Variants in HIP1 observed in about 807,000 individuals in gnomAD.
HIP1 encodes huntingtin interacting protein 1.
Under a neutral mutation model 147.6 loss-of-function variants are expected in HIP1, and 65 were observed. That is an observed-to-expected ratio of 0.44 (90% CI 0.36 to 0.54). HIP1 has a LOEUF of 0.54. Among genes scored for constraint, HIP1 ranks in the 20% least tolerant of loss-of-function variants. The probability of loss-of-function intolerance (pLI) is 0.00; values close to 1 mark genes in which losing one functional copy is unlikely to be tolerated. For missense variants in HIP1, 1,061 were observed against 1,299.6 expected (o/e 0.82, Z 2.82); for synonymous variants, 479 against 504.0 (o/e 0.95, Z 0.67).
chr7:75,698,098 C>G (rs1457104258), intron 1 of HIP1, among the ~76,000 whole-genome samples: 6 of 152,270 alleles, frequency 3.9e-5, no homozygotes, highest in South Asian at 2.1e-4. Context: ...GGATTATAGG[C>G]ATGAGCCACC....
intron 1 of HIP1, among the ~76,000 whole-genome samples, chr7:75,678,152 G>C (rs782578673): frequency 4.6e-5 from 7 of 152,020 alleles, no homozygotes; most frequent in Non-Finnish European, 8.8e-5. Flanking sequence ...CCTGCAACCA[G>C]TACCTGGATC....
intron 14 of HIP1, among the ~76,000 whole-genome samples, 176 bp downstream of exon 14, chr7:75,559,556 C>T (rs187616192): frequency 3.3e-5 from 5 of 152,324 alleles, no homozygotes; most frequent in East Asian, 3.9e-4. Flanking sequence ...AGCTTTGTGC[C>T]TGCAGGACTC....
At chr7:75,698,607 C>T (rs1009552329) in intron 1 of HIP1, among the ~76,000 whole-genome samples, 1 of 152,178 alleles carries the variant, frequency 6.6e-6, no homozygotes, top group African/African-American at 2.4e-5. Flanking sequence ...CACTTGAGGC[C>T]AAGAGTTGGA....
intron 1 of HIP1, among the ~76,000 whole-genome samples, chr7:75,694,157 A>T (rs969131672): frequency 3.9e-5 from 6 of 151,982 alleles, no homozygotes; most frequent in Middle Eastern, 3.2e-3. Context: ...TAACCTCGTG[A>T]TCCACCCACC....
intron 7 of HIP1, among the ~76,000 whole-genome samples, chr7:75,575,210 C>T (rs782215660): frequency 1.4e-4 from 21 of 151,904 alleles, no homozygotes; most frequent in Non-Finnish European, 2.8e-4. Context: ...CCTGTAATCC[C>T]AGCACTTTGG....
intron 1 of HIP1, among the ~76,000 whole-genome samples, chr7:75,736,426 A>C (rs1802022729): frequency 6.6e-6 from 1 of 152,048 alleles, no homozygotes; most frequent in Non-Finnish European, 1.5e-5. Context: ...TTATTAAAAA[A>C]AAAAATAGGG....
intron 1 of HIP1, among the ~76,000 whole-genome samples, chr7:75,638,009 C>T (rs868953342): frequency 7.4e-5 from 7 of 94,476 alleles, no homozygotes; most frequent in African/African-American, 3.7e-4. Context: ...CACACATACA[C>T]ACACACACAC....
At chr7:75,708,756 A>G (rs1212657940) in intron 1 of HIP1, among the ~76,000 whole-genome samples, 1 of 152,052 alleles carries the variant, frequency 6.6e-6, no homozygotes, top group African/African-American at 2.4e-5. Context: ...TAATTACTAT[A>G]GTTTTATAAT....
At chr7:75,707,636 C>T (rs1186654197) in intron 1 of HIP1, among the ~76,000 whole-genome samples, 2 of 150,718 alleles carry the variant, frequency 1.3e-5, no homozygotes, top group Admixed American at 6.6e-5. Context: ...GAGCCCGCAT[C>T]GCCAAGTCAA....
intron 1 of HIP1, among the ~76,000 whole-genome samples, chr7:75,633,628 T>C (rs1798315747): frequency 6.6e-6 from 1 of 152,130 alleles, no homozygotes; most frequent in African/African-American, 2.4e-5. Flanking sequence ...TGAAACCCAC[T>C]AAATGGATTT....
intron 1 of HIP1, among the ~76,000 whole-genome samples, chr7:75,654,990 A>G (rs782785267): frequency 6.6e-6 from 1 of 152,200 alleles, no homozygotes; most frequent in Non-Finnish European, 1.5e-5. Flanking sequence ...CTCTACAACA[A>G]TGATGACAAA....
chr7:75,616,601 G>A (rs994871007), intron 1 of HIP1, among the ~76,000 whole-genome samples: 1 of 99,758 alleles, frequency 1.0e-5, no homozygotes, highest in Non-Finnish European at 2.8e-5. Flanking sequence ...GGAGGAGGAG[G>A]AGGAGGAGGA....
intron 8 of HIP1, among the ~76,000 whole-genome samples, chr7:75,570,082 C>T (rs987933136): frequency 1.1e-4 from 17 of 151,908 alleles, no homozygotes; most frequent in Admixed American, 2.0e-4. Flanking sequence ...TACAGGCGCG[C>T]GCCACCACAC....
chr7:75,707,677 T>A (rs1554519848), intron 1 of HIP1, among the ~76,000 whole-genome samples: 1 of 149,474 alleles, frequency 6.7e-6, no homozygotes. Flanking sequence ...GCTGGAGGCA[T>A]CACACTACCT....
At chr7:75,599,290 T>A in intron 1 of HIP1, 43 bp from the exon 2 acceptor site, 4 of 1,460,326 alleles carry the variant, frequency 2.7e-6, no homozygotes, top group Non-Finnish European at 3.8e-6. Context: ...ATGAGATGAA[T>A]AAGCCTCTGA....
chr7:75,637,563 T>TTTTTTTTGTGG (rs1584907476), intron 1 of HIP1, among the ~76,000 whole-genome samples: 1 of 116,004 alleles, frequency 8.6e-6, no homozygotes. Context: ...TTTTTTTTTT[T>TTTTTTTTGTGG]GAGAGGGAGT....
chr7:75,573,391 T>C (rs2116889338), intron 8 of HIP1, among the ~76,000 whole-genome samples: 1 of 152,300 alleles, frequency 6.6e-6, no homozygotes, highest in African/African-American at 2.4e-5. Context: ...GCTGTTCTAA[T>C]ACTCAATAAA....
chr7:75,662,031 G>A (rs1799335176), intron 1 of HIP1, among the ~76,000 whole-genome samples: 1 of 151,356 alleles, frequency 6.6e-6, no homozygotes, highest in Non-Finnish European at 1.5e-5. Context: ...TCTGAGGAGG[G>A]GTGGACTGGA....
rs1795286095 is a variant in HIP1 at position 75,563,080 on chromosome 7, AG to A, written c.880-6del. 1.2e-6 allele frequency: 2 copies of A among 1,614,138 alleles called. No individual in the cohort carries two copies. The highest frequency in any genetic ancestry group is 1.1e-5 in the South Asian group (1 of 91,090). On this transcript the variant is annotated splice_region_variant and splice_polypyrimidine_tract_variant and intron_variant, in intron 10 of 30. Coordinates refer to ENST00000336926, the MANE Select transcript of HIP1 (RefSeq NM_005338.7). The stretch of plus-strand genomic sequence containing the variant: ...TCGCAGGAAGTTGGGTGGGTTCTGA[AG>A]ACGGAGACACATCCTCAAATAGTGC...
Sources: gnomAD v4.1 joint callset for allele counts (sites outside exome capture counted in the v4.1 genomes callset) on GRCh38, gnomAD v4.1.1 for gene constraint, MANE v1.5 for transcripts, NCBI Gene and HGNC (gene_info 2026-07-23, HGNC 2026-07-21) for gene names.